CNTNAP5: variants seen among roughly 807,000 people sequenced by gnomAD.
CNTNAP5 encodes the protein contactin-associated protein-like 5.
Under a neutral mutation model 150.2 loss-of-function variants are expected in CNTNAP5, and 72 were observed. The observed-to-expected ratio is 0.48, with a 90% confidence interval of 0.40 to 0.58. The LOEUF (loss-of-function observed/expected upper bound fraction) is 0.58. Among genes scored for constraint, CNTNAP5 ranks in the 20% least tolerant of loss-of-function variants. CNTNAP5 has a pLI of 0.00. For missense variants in CNTNAP5, 1,636 were observed against 1,626.2 expected (o/e 1.01, Z -0.10); for synonymous variants, 672 against 619.8 (o/e 1.08, Z -1.25).
intron 19 of CNTNAP5, among the ~76,000 whole-genome samples, chr2:124,845,696 C>A (rs2104697756): frequency 6.6e-6 from 1 of 152,064 alleles, no homozygotes; most frequent in South Asian, 2.1e-4. Flanking sequence ...GATTTTATAC[C>A]TTTCTCATTT....
At chr2:124,251,468 T>C (rs1211127994) in intron 3 of CNTNAP5, among the ~76,000 whole-genome samples, 1 of 6,420 alleles carries the variant, frequency 1.6e-4, no homozygotes, top group African/African-American at 7.1e-4. Context: ...CTGTGGGTGC[T>C]TTTTTTTTTT....
At chr2:124,573,737 T>TG (rs1696216436) in intron 11 of CNTNAP5, among the ~76,000 whole-genome samples, 1 of 152,186 alleles carries the variant, frequency 6.6e-6, no homozygotes, top group Non-Finnish European at 1.5e-5. Flanking sequence ...ATTCAATATA[T>TG]GAAGACACAG....
rs543094638 is a variant in CNTNAP5, at chr2:124,359,073, T to C, written c.382-58370T>C. On this transcript the variant is annotated intron_variant, in intron 3 of 23. Coordinates refer to ENST00000682447, the MANE Select transcript of CNTNAP5 (RefSeq NM_001367498.1). The stretch of plus-strand genomic sequence containing the variant: ...CAGGAATTTATCCATTTCTTCTAGA[T>C]TTTCTAGTTTATTTGCATAGAGGTG... Among the ~76,000 whole-genome samples the C allele has an allele frequency of 4.0e-5, 6 of 151,826 alleles. No individual in the cohort carries two copies. In the East Asian group the frequency reaches 1.2e-3, roughly 29 times the overall value.
intron 12 of CNTNAP5, among the ~76,000 whole-genome samples, chr2:124,638,508 A>G (rs1160403832): frequency 6.6e-6 from 1 of 152,084 alleles, no homozygotes; most frequent in Non-Finnish European, 1.5e-5. Context: ...ATGTACAGCT[A>G]GGCTTTTTAG....
intron 1 of CNTNAP5, among the ~76,000 whole-genome samples, chr2:124,179,184 T>G (rs1049155744): frequency 1.3e-5 from 2 of 151,850 alleles, no homozygotes; most frequent in Non-Finnish European, 2.9e-5. Context: ...TGATATGGAG[T>G]CTTGCTCTGT....
intron 13 of CNTNAP5, among the ~76,000 whole-genome samples, chr2:124,679,596 G>T (rs1023531132): frequency 4.0e-5 from 6 of 151,260 alleles, no homozygotes; most frequent in African/African-American, 9.7e-5. Context: ...AGCGGGGAGT[G>T]GGGGACAGGG....
chr2:124,826,661 C>T (rs1421118561), intron 19 of CNTNAP5, among the ~76,000 whole-genome samples: 2 of 152,110 alleles, frequency 1.3e-5, no homozygotes, highest in African/African-American at 4.8e-5. Flanking sequence ...TACCCTCTCA[C>T]ATCTGCAAAA....
chr2:124,322,427 A>G (rs559688712), intron 3 of CNTNAP5, among the ~76,000 whole-genome samples: 7 of 152,274 alleles, frequency 4.6e-5, no homozygotes, highest in African/African-American at 1.7e-4. Context: ...AGGGCTTATC[A>G]TCTGTAGATA....
intron 2 of CNTNAP5, among the ~76,000 whole-genome samples, chr2:124,236,193 T>C (rs1270459170): frequency 6.6e-6 from 1 of 152,158 alleles, no homozygotes; most frequent in East Asian, 1.9e-4. Context: ...CTTGAATTCC[T>C]GACCTCAGAT....
At chr2:124,875,216 C>T (rs182269919) in intron 21 of CNTNAP5, among the ~76,000 whole-genome samples, 9 of 152,162 alleles carry the variant, frequency 5.9e-5, no homozygotes, top group African/African-American at 2.2e-4. Flanking sequence ...AATCACTTTA[C>T]AAGCATCTTG....
chr2:124,423,858 G>A (rs1374823822), intron 4 of CNTNAP5, among the ~76,000 whole-genome samples: 1 of 142,890 alleles, frequency 7.0e-6, no homozygotes, highest in Non-Finnish European at 1.5e-5. Flanking sequence ...TAGAGACGGG[G>A]TTTCACCGTG....
intron 12 of CNTNAP5, among the ~76,000 whole-genome samples, chr2:124,623,774 G>GGTGA (rs1677665679): frequency 6.6e-6 from 1 of 152,150 alleles, no homozygotes. Flanking sequence ...TGAGTCCCCT[G>GGTGA]GTGGCACAAG....
Position 124,749,281 on chromosome 2 carries a change from G to C in CNTNAP5, c.2234+1896G>C, listed in dbSNP as rs1014764245. Among the ~76,000 whole-genome samples, 3 of 152,086 alleles carry C rather than the reference G, an allele frequency of 2.0e-5. No homozygotes were observed. In the South Asian group the frequency reaches 6.2e-4, roughly 32 times the overall value. ...TATAGTCAAAGAAACAGATATAGGAGCTAGAATAGGTAGAAGTGCTTCCCC... is the reference window on the plus strand; with the variant it reads ...TATAGTCAAAGAAACAGATATAGGACCTAGAATAGGTAGAAGTGCTTCCCC... On this transcript the variant is annotated intron_variant, in intron 14 of 23. Coordinates refer to ENST00000682447, the MANE Select transcript of CNTNAP5 (RefSeq NM_001367498.1).
At chr2:124,540,677 ATCATTCAT>A (rs5834075) in intron 10 of CNTNAP5, among the ~76,000 whole-genome samples, 14 of 150,972 alleles carry the variant, frequency 9.3e-5, no homozygotes, top group African/African-American at 2.4e-4. Flanking sequence ...AGTATTATGA[ATCATTCAT>A]TCATTCATTC....
At chr2:124,866,611 G>C (rs1677637343) in intron 20 of CNTNAP5, among the ~76,000 whole-genome samples, 1 of 152,220 alleles carries the variant, frequency 6.6e-6, no homozygotes, top group African/African-American at 2.4e-5. Context: ...GTCCATGTGA[G>C]CGCAGGCTAA....
chr2:124,190,495 C>T lies in CNTNAP5; in HGVS notation c.83-31210C>T, dbSNP rs76568121. 6.4e-3 allele frequency among the ~76,000 whole-genome samples: 969 copies of T among 152,248 alleles called. 15 individuals are homozygous for T. The highest frequency in any genetic ancestry group is 0.021 in the African/African-American group (868 of 41,528). On this transcript the variant is annotated intron_variant, in intron 1 of 23. Coordinates refer to ENST00000682447, the MANE Select transcript of CNTNAP5 (RefSeq NM_001367498.1). ...ATGCTTATTAGACCAAGTCTCCCAA[C>T]CCAAAAATCAGAGCTACCCCAGCTT...
intron 21 of CNTNAP5, among the ~76,000 whole-genome samples, chr2:124,870,676 G>A (rs1677727020): frequency 1.3e-5 from 2 of 152,124 alleles, no homozygotes; most frequent in African/African-American, 4.8e-5. Context: ...ATGGTAAGCA[G>A]AAATACATTT....
chr2:124,607,542 T>G (rs1362404726), intron 11 of CNTNAP5, among the ~76,000 whole-genome samples: 1 of 152,188 alleles, frequency 6.6e-6, no homozygotes, highest in Admixed American at 6.5e-5. Flanking sequence ...GAGGATGTGA[T>G]TTTGTCAGCA....
chr2:124,155,541 T>C (rs1010791429), intron 1 of CNTNAP5, among the ~76,000 whole-genome samples: 8 of 151,990 alleles, frequency 5.3e-5, no homozygotes, highest in African/African-American at 1.9e-4. Flanking sequence ...TAGGAAAAAA[T>C]AGGATTTACT....
Sources: allele counts gnomAD v4.1 joint callset (sites outside exome capture counted in the v4.1 genomes callset), GRCh38; gene constraint gnomAD v4.1.1; transcripts MANE v1.5; gene names NCBI Gene and HGNC (gene_info 2026-07-23, HGNC 2026-07-21).